The following CPLANE1 variants were observed in gnomAD, a reference collection of about 807,000 sequenced individuals.
CPLANE1 encodes ciliogenesis and planar polarity effector complex subunit 1.
A neutral mutation model predicts 362.5 loss-of-function variants in CPLANE1; 263 were observed. The observed-to-expected ratio is 0.73, with a 90% CI of 0.66 to 0.80. CPLANE1 has a LOEUF of 0.80. CPLANE1 is among the 30% of genes least tolerant of loss of function. CPLANE1 has a pLI of 0.00. For synonymous variants in CPLANE1, 1,212 were observed against 1,302.6 expected, an observed-to-expected ratio of 0.93 and a Z score of 1.50; for missense variants, 3,461 against 3,793.4, an observed-to-expected ratio of 0.91 and a Z score of 2.30.
intron 38 of CPLANE1, among the ~76,000 whole-genome samples, chr5:37,159,346 C>A (rs1776219989): frequency 1.3e-5 from 2 of 151,740 alleles, no homozygotes; most frequent in South Asian, 2.1e-4. Context: ...CTCCTGACCT[C>A]ATGATTCACC....
chr5:37,188,308 C>A (rs543971180), intron 21 of CPLANE1, among the ~76,000 whole-genome samples: 7 of 152,308 alleles, frequency 4.6e-5, no homozygotes, highest in East Asian at 1.9e-4. Flanking sequence ...ATCCAGCTAT[C>A]AAAACAAGTT....
intron 18 of CPLANE1, among the ~76,000 whole-genome samples, chr5:37,203,828 ATT>A (rs1219349422): frequency 2.6e-5 from 4 of 152,024 alleles, no homozygotes; most frequent in African/African-American, 9.7e-5. Flanking sequence ...TCATGTACAC[ATT>A]TTTGTGTACA....
chr5:37,084,139 A>G, the CPLANE1 span, among the ~76,000 whole-genome samples: 5 of 152,238 alleles, frequency 3.3e-5, no homozygotes, highest in African/African-American at 1.2e-4. Context: ...CTCCTCAAAC[A>G]AAACAATTAG....
Position 37,170,197 on chromosome 5 carries a change from T to A in CPLANE1, c.6306A>T (p.Gly2102=), listed in dbSNP as rs1225569789. 2.5e-6 allele frequency: 4 copies of A among 1,614,138 alleles called. No homozygotes were observed. Among genetic ancestry groups the A allele is most frequent in the South Asian group, 1.1e-5 (1 of 91,072 alleles). The change falls in exon 33 of 53, where the codon GGA becomes GGT. Residue 2102 remains glycine, a synonymous_variant. Coordinates refer to ENST00000651892, the MANE Select transcript of CPLANE1 (RefSeq NM_001384732.1). ...LGESQESNLR[G]CGDVEDSNKN... is the part of the protein sequence containing the mutation. ...TGTTGCTGTCTTCAACATCACCACA[T>A]CCTCTTAGGTTTGATTCTTGGCTTT...
intron 47 of CPLANE1, chr5:37,124,779 C>T: frequency 1.8e-6 from 1 of 541,366 alleles, no homozygotes; most frequent in Non-Finnish European, 2.4e-6. Context: ...GCTCTCAACT[C>T]TTGGTCACAA....
chr5:37,089,140 G>A, the CPLANE1 span, among the ~76,000 whole-genome samples: 1 of 152,164 alleles, frequency 6.6e-6, no homozygotes, highest in Non-Finnish European at 1.5e-5. Context: ...ACTGGGCACA[G>A]GGGCAGACAT....
At chr5:37,210,891 C>T in intron 16 of CPLANE1, 1 of 785,254 alleles carries the variant, frequency 1.3e-6, no homozygotes, top group South Asian at 1.3e-5. Flanking sequence ...TCTGCACAAA[C>T]AACTGCAAGA....
intron 32 of CPLANE1, among the ~76,000 whole-genome samples, chr5:37,171,126 G>A (rs556269845): frequency 5.8e-4 from 88 of 152,238 alleles, no homozygotes; most frequent in African/African-American, 1.9e-3. Context: ...TATAAGTCCC[G>A]ATGACCAGGT....
chr5:37,141,816 G>A, intron 44 of CPLANE1: 1 of 975,302 alleles, frequency 1.0e-6, no homozygotes, highest in Non-Finnish European at 1.2e-6. Flanking sequence ...AAAACAAAAA[G>A]TGGCACTAAA....
At position 37,106,987 on chromosome 5, in the gene CPLANE1, C is replaced by G. The variant is rs1319177878; in HGVS notation, c.*615G>C. ...GAGTCATATTCCCTTACTTTCCTGC[C>G]CAAAGCATCCATTCCTGTTTCTTCC... On this transcript the variant is annotated 3_prime_UTR_variant, in exon 53 of 53. Transcript: ENST00000651892. The G allele has an allele frequency of 1.0e-6, 1 of 985,392 alleles. No individual in the cohort carries two copies. The highest frequency in any genetic ancestry group is 1.2e-6 in the Non-Finnish European group (1 of 829,932). 61.0% of individuals were successfully genotyped at this position (985,392 alleles called of 1,614,324 possible). A position where few individuals can be genotyped will look rare whatever the true frequency, so the allele number is the denominator to read the frequency against.
At chr5:37,181,459 AG>A (rs2151120168) in intron 26 of CPLANE1, among the ~76,000 whole-genome samples, 1 of 152,348 alleles carries the variant, frequency 6.6e-6, no homozygotes, top group East Asian at 1.9e-4. Flanking sequence ...ACACATTTCA[AG>A]GATGACTAAT....
the CPLANE1 span, among the ~76,000 whole-genome samples, chr5:37,091,047 C>A: frequency 1.3e-5 from 2 of 152,254 alleles, no homozygotes; most frequent in East Asian, 3.9e-4. Context: ...ATCTTTCCAC[C>A]AAAATTGGAG....
chr5:37,131,841 T>C (rs961168521), intron 46 of CPLANE1, among the ~76,000 whole-genome samples: 2 of 152,076 alleles, frequency 1.3e-5, no homozygotes, highest in Admixed American at 6.5e-5. Context: ...AATATTTTTA[T>C]AGAGATGAGG....
chr5:37,183,094 C>T lies in CPLANE1; in HGVS notation c.5087G>A (p.Cys1696Tyr). The T allele has an allele frequency of 6.2e-7, 1 of 1,613,354 alleles. No homozygotes were observed. The highest frequency in any genetic ancestry group is 8.5e-7 in the Non-Finnish European group (1 of 1,179,852). Residue 1696 changes from cysteine to tyrosine, a missense_variant, in exon 26 of 53, where the codon TGT becomes TAT. This residue lies in a region of CPLANE1 where 3,380 missense variants were observed against 3,666.1 expected (regional missense o/e 0.92). Coordinates refer to ENST00000651892, the MANE Select transcript of CPLANE1 (RefSeq NM_001384732.1). ...YKIQDDTREKCLIQRSSNHIF... is the reference protein window; with the variant it reads ...YKIQDDTREKYLIQRSSNHIF... The stretch of plus-strand genomic sequence containing the variant: ...GTGGTTTGATGATCTCTGGATTAGA[C>T]ATTTCTCTCTAGTGTCATCTTGTAT...
chr5:37,183,215 C>T lies in CPLANE1; in HGVS notation c.4966G>A (p.Gly1656Arg), dbSNP rs1043977498. Residue 1656 changes from glycine to arginine, a missense_variant, in exon 26 of 53, where the codon GGG (glycine) becomes AGG (arginine). Physicochemically the swap from Gly to Arg is moderately radical, Grantham distance 125. Coordinates refer to ENST00000651892, the MANE Select transcript of CPLANE1 (RefSeq NM_001384732.1). ...KLSSSVLVNQGIKPFLQYPSN... is the reference protein window; with the variant it reads ...KLSSSVLVNQRIKPFLQYPSN... ...GGATATTGTAAAAAAGGTTTGATCC[C>T]TTGATTAACCAGTACTGATGATGAA... 6.2e-7 allele frequency: 1 copy of T among 1,611,120 alleles called. No homozygotes were observed. Among genetic ancestry groups the T allele is most frequent in the African/African-American group, 1.3e-5 (1 of 74,702 alleles).
At chr5:37,114,565 AG>A (rs1345729560) in intron 51 of CPLANE1, among the ~76,000 whole-genome samples, 2 of 152,152 alleles carry the variant, frequency 1.3e-5, no homozygotes, top group African/African-American at 4.8e-5. Context: ...TTCATTCTGA[AG>A]TCTATATTTG....
intron 41 of CPLANE1, among the ~76,000 whole-genome samples, chr5:37,155,569 C>T (rs886663930): frequency 1.3e-5 from 2 of 152,148 alleles, no homozygotes; most frequent in Non-Finnish European, 2.9e-5. Flanking sequence ...GAGACAGGGT[C>T]TCACTATGTT....
At chr5:37,232,246 G>A (rs547456933) in intron 8 of CPLANE1, among the ~76,000 whole-genome samples, 8 of 152,200 alleles carry the variant, frequency 5.3e-5, no homozygotes, top group Admixed American at 6.5e-5. Flanking sequence ...GGCCAGGCAC[G>A]GTGGCACAGG....
chr5:37,245,958 G>C, intron 2 of CPLANE1, 113 bp from the exon 3 acceptor site: 2 of 1,052,704 alleles, frequency 1.9e-6, no homozygotes, highest in South Asian at 4.2e-5. Flanking sequence ...TTATCCATTT[G>C]TACCACAAAT....
Sources: gnomAD v4.1 joint callset for allele counts (sites outside exome capture counted in the v4.1 genomes callset) on GRCh38, gnomAD v4.1.1 for gene constraint, gnomAD v4.1.1 regional missense constraint, MANE v1.5 for transcripts, NCBI Gene and HGNC (gene_info 2026-07-23, HGNC 2026-07-21) for gene names.